The following BBS9 variants were observed in gnomAD, a reference collection of about 807,000 sequenced individuals.
BBS9 encodes protein PTHB1.
A neutral mutation model predicts 117.7 loss-of-function variants in BBS9; 89 were observed. The observed-to-expected ratio is 0.76, with a 90% CI of 0.64 to 0.90. The LOEUF is 0.90. Among genes scored for constraint, BBS9 ranks in the 40% least tolerant of loss-of-function variants. The pLI, the probability that BBS9 is intolerant of heterozygous loss-of-function variation, is 0.00. For synonymous variants in BBS9, 379 were observed against 370.9 expected (o/e 1.02, Z -0.25); for missense variants, 982 against 1,042.2 (o/e 0.94, Z 0.80).
chr7:33,336,724 G>A (rs1815450179), intron 10 of BBS9, 102 bp downstream of exon 10: 1 of 838,642 alleles, frequency 1.2e-6, no homozygotes, highest in African/African-American at 1.7e-5. Flanking sequence ...TTCTCCTCTA[G>A]GCTTAATTAA....
intron 5 of BBS9, among the ~76,000 whole-genome samples, chr7:33,237,755 A>G (rs974651272): frequency 1.3e-5 from 2 of 152,176 alleles, no homozygotes; most frequent in Non-Finnish European, 2.9e-5. Flanking sequence ...TTTTCACTCT[A>G]TGAAAATAAA....
intron 11 of BBS9, 80 bp from the exon 12 acceptor site, chr7:33,344,501 A>G: frequency 8.4e-7 from 1 of 1,190,130 alleles, no homozygotes; most frequent in South Asian, 1.2e-5. Flanking sequence ...TAGGAAATAT[A>G]CATTGCACTC....
At chr7:33,359,043 C>T (rs1197305315) in intron 16 of BBS9, among the ~76,000 whole-genome samples, 1 of 151,594 alleles carries the variant, frequency 6.6e-6, no homozygotes. Context: ...ATATTGTTAG[C>T]AAAATATTTT....
At chr7:33,261,719 T>C (rs1798010224) in intron 6 of BBS9, among the ~76,000 whole-genome samples, 1 of 152,244 alleles carries the variant, frequency 6.6e-6, no homozygotes, top group South Asian at 2.1e-4. Flanking sequence ...TATTAAATTA[T>C]GTGGTTGAGT....
chr7:33,300,798 A>T (rs375015132), intron 9 of BBS9, among the ~76,000 whole-genome samples: 112 of 152,096 alleles, frequency 7.4e-4, no homozygotes, highest in African/African-American at 2.6e-3. Flanking sequence ...GCTATCTGAG[A>T]TTATTTTTCC....
At chr7:33,399,433 G>C (rs1828552051) in intron 19 of BBS9, among the ~76,000 whole-genome samples, 1 of 152,156 alleles carries the variant, frequency 6.6e-6, no homozygotes, top group African/African-American at 2.4e-5. Flanking sequence ...CAACAGACTT[G>C]AGTCCTAGTC....
At chr7:33,506,812 T>A (rs182948443) in intron 20 of BBS9, among the ~76,000 whole-genome samples, 2 of 152,302 alleles carry the variant, frequency 1.3e-5, no homozygotes, top group East Asian at 3.9e-4. Flanking sequence ...TAGTGGTGAA[T>A]GATATATTAT....
At chr7:33,404,269 A>G (rs1433881369) in intron 19 of BBS9, among the ~76,000 whole-genome samples, 2 of 152,124 alleles carry the variant, frequency 1.3e-5, no homozygotes, top group East Asian at 1.9e-4. Context: ...GTTTGAAGTC[A>G]GGTAGCATGA....
chr7:33,354,549 G>C (rs1051996687), intron 15 of BBS9, among the ~76,000 whole-genome samples: 2 of 151,990 alleles, frequency 1.3e-5, no homozygotes, highest in African/African-American at 4.8e-5. Flanking sequence ...GGGGTTCCTT[G>C]TTTTCAATAT....
intron 19 of BBS9, among the ~76,000 whole-genome samples, chr7:33,505,063 A>G (rs2129015703): frequency 6.6e-6 from 1 of 152,352 alleles, no homozygotes; most frequent in East Asian, 1.9e-4. Flanking sequence ...TTGAACTACA[A>G]GGCAAATGCA....
chr7:33,215,693 A>G (rs966502530), intron 5 of BBS9, among the ~76,000 whole-genome samples: 3 of 152,148 alleles, frequency 2.0e-5, no homozygotes, highest in Non-Finnish European at 4.4e-5. Context: ...AAATCCCGGC[A>G]TTTGCAGCTA....
At chr7:33,300,897 T>TA (rs1372423333) in intron 9 of BBS9, among the ~76,000 whole-genome samples, 1 of 152,198 alleles carries the variant, frequency 6.6e-6, no homozygotes, top group Non-Finnish European at 1.5e-5. Flanking sequence ...TGAAGGCATT[T>TA]AAAAAAATCT....
At chr7:33,578,578 G>T (rs1327274008) in intron 21 of BBS9, among the ~76,000 whole-genome samples, 6 of 152,182 alleles carry the variant, frequency 3.9e-5, no homozygotes, top group African/African-American at 1.4e-4. Context: ...GTTTTGGCAA[G>T]TTCTGAAAGA....
chr7:33,525,010 A>C (rs1410304896), intron 20 of BBS9, among the ~76,000 whole-genome samples: 1 of 152,102 alleles, frequency 6.6e-6, no homozygotes, highest in African/African-American at 2.4e-5. Context: ...TTATGTATCC[A>C]GTAGTCATTC....
rs1316739015 is a variant in BBS9, at chr7:33,605,728, C to T, written c.*502C>T. ...GAAAGGAATTGAAGACTTTGCTACT[C>T]TCTGGTAAGACTTGAATGTGATTAT... On this transcript the variant is annotated 3_prime_UTR_variant, in exon 23 of 23. Coordinates refer to ENST00000242067, the MANE Select transcript of BBS9 (RefSeq NM_198428.3). The T allele has an allele frequency of 6.0e-6, 1 of 166,884 alleles. No homozygotes were observed. The highest frequency in any genetic ancestry group is 5.6e-5 in the Admixed American group (1 of 17,904). 10.3% of individuals were successfully genotyped at this position (166,884 alleles called of 1,614,324 possible).
rs969756079 is a variant in BBS9 at position 33,241,860 on chromosome 7, A to G, written c.443-15376A>G. Among the ~76,000 whole-genome samples, 9 of 152,184 alleles carry G rather than the reference A, an allele frequency of 5.9e-5. No homozygotes were observed. In the East Asian group the frequency reaches 7.7e-4, roughly 13 times the overall value. On this transcript the variant is annotated intron_variant, in intron 5 of 22. Coordinates refer to ENST00000242067, the MANE Select transcript of BBS9 (RefSeq NM_198428.3). ...TTTTATTTCCTTAAACAGAAAGTGT[A>G]ATATTTTTATATTTTCTGTCAATTT...
At chr7:33,573,363 C>T (rs561269929) in intron 21 of BBS9, among the ~76,000 whole-genome samples, 1 of 152,206 alleles carries the variant, frequency 6.6e-6, no homozygotes, top group Admixed American at 6.5e-5. Flanking sequence ...GTTTGCTCTT[C>T]TATTCCCTAG....
intron 7 of BBS9, among the ~76,000 whole-genome samples, chr7:33,271,341 G>A (rs991275742): frequency 6.6e-6 from 1 of 152,136 alleles, no homozygotes; most frequent in African/African-American, 2.4e-5. Flanking sequence ...TAACAACAAT[G>A]ACAGGATCAA....
downstream of BBS9, among the ~76,000 whole-genome samples, chr7:33,607,044 A>G (rs1411920676): frequency 6.6e-6 from 1 of 152,096 alleles, no homozygotes; most frequent in Non-Finnish European, 1.5e-5. Context: ...GGAGAACTCT[A>G]TGCCTCTCTA....
Sources: allele counts gnomAD v4.1 joint callset (sites outside exome capture counted in the v4.1 genomes callset), GRCh38; gene constraint gnomAD v4.1.1; transcripts MANE v1.5; gene names NCBI Gene and HGNC (gene_info 2026-07-23, HGNC 2026-07-21).